Variants in GFRA1 observed in about 807,000 individuals in gnomAD.
GFRA1 encodes GDNF family receptor alpha-1.
GFRA1 carries 16 observed loss-of-function variants against 51.6 expected under a neutral mutation model. The ratio of observed to expected loss-of-function variants is 0.31; its 90% CI spans 0.21 to 0.47. The LOEUF (loss-of-function observed/expected upper bound fraction) is 0.47. GFRA1 is among the 20% of genes least tolerant of loss of function. The pLI, the probability that GFRA1 is intolerant of heterozygous loss-of-function variation, is 1.00. For synonymous variants in GFRA1, 270 were observed against 241.3 expected (o/e 1.12, Z -1.10); for missense variants, 530 against 594.3 (o/e 0.89, Z 1.13).
intron 4 of GFRA1, among the ~76,000 whole-genome samples, chr10:116,256,899 T>G (rs1354681948): frequency 6.6e-6 from 1 of 152,116 alleles, no homozygotes; most frequent in Non-Finnish European, 1.5e-5. Flanking sequence ...GCACCATCCC[T>G]CCCAGGCAGG....
intron 5 of GFRA1, among the ~76,000 whole-genome samples, chr10:116,209,160 G>C (rs543561830): frequency 1.2e-4 from 19 of 152,270 alleles, no homozygotes; most frequent in Admixed American, 3.9e-4. Flanking sequence ...TGAGAGCAGG[G>C]TAGACGCACA....
intron 10 of GFRA1, 57 bp from the exon 11 acceptor site, chr10:116,064,601 A>T: frequency 6.7e-7 from 1 of 1,495,054 alleles, no homozygotes; most frequent in African/African-American, 1.4e-5. Flanking sequence ...CTACCACAGT[A>T]TACTTTACAC....
intron 5 of GFRA1, among the ~76,000 whole-genome samples, chr10:116,196,845 A>ATTT (rs1251734343): frequency 8.5e-4 from 77 of 90,730 alleles, no homozygotes; most frequent in African/African-American, 2.7e-3. Context: ...ATATATATAT[A>ATTT]TATTTTTTTT....
At chr10:116,199,267 A>AT (rs1267632530) in intron 5 of GFRA1, among the ~76,000 whole-genome samples, 2 of 152,182 alleles carry the variant, frequency 1.3e-5, no homozygotes, top group Non-Finnish European at 2.9e-5. Context: ...TCCCTCAGGC[A>AT]TTTTGGCCCT....
intron 9 of GFRA1, among the ~76,000 whole-genome samples, chr10:116,081,756 T>C (rs1440227667): frequency 2.0e-5 from 3 of 152,206 alleles, no homozygotes; most frequent in African/African-American, 7.2e-5. Context: ...TTTATAATGT[T>C]TTCCAAAGTG....
chr10:116,216,575 A>C (rs1392479675), intron 4 of GFRA1, among the ~76,000 whole-genome samples: 1 of 152,182 alleles, frequency 6.6e-6, no homozygotes, highest in Non-Finnish European at 1.5e-5. Context: ...TGGGGGTGGT[A>C]AAGTTATTAG....
At chr10:116,162,698 C>T (rs1246356885) in intron 5 of GFRA1, among the ~76,000 whole-genome samples, 3 of 152,084 alleles carry the variant, frequency 2.0e-5, no homozygotes, top group Non-Finnish European at 4.4e-5. Context: ...ATACATTGTT[C>T]CAAAGAACTT....
chr10:116,208,325 A>G (rs1293448513), intron 5 of GFRA1, among the ~76,000 whole-genome samples: 1 of 152,028 alleles, frequency 6.6e-6, no homozygotes, highest in Non-Finnish European at 1.5e-5. Context: ...TTATTTGTAA[A>G]CTTGACTACA....
chr10:116,118,663 C>T (rs555374795), intron 6 of GFRA1, among the ~76,000 whole-genome samples: 75 of 152,274 alleles, frequency 4.9e-4, no homozygotes, highest in Middle Eastern at 3.4e-3. Flanking sequence ...CTTTTCCATC[C>T]GCATTCACAC....
intron 9 of GFRA1, among the ~76,000 whole-genome samples, chr10:116,081,850 A>T (rs1250813533): frequency 2.0e-5 from 3 of 152,230 alleles, no homozygotes; most frequent in African/African-American, 7.2e-5. Context: ...ATATTTATAT[A>T]TTGATTTTAA....
rs1230888473 is a variant in GFRA1 at position 116,062,166 on chromosome 10, T to C, written c.*2232A>G. 1 of 398,474 alleles carries C rather than the reference T, an allele frequency of 2.5e-6. No homozygotes were observed. Among genetic ancestry groups the C allele is most frequent in the East Asian group, 3.6e-5 (1 of 28,078 alleles). The allele number at this position is 398,474 out of a possible 1,614,324, so 24.7% of individuals were successfully genotyped here. The stretch of plus-strand genomic sequence containing the variant: ...CATCTGATGCTAATTAGAGCTGCTG[T>C]TACTGCAGAAGTAATCAGTAGCTTT... On this transcript the variant is annotated 3_prime_UTR_variant, in exon 11 of 11. Transcript: ENST00000355422.
chr10:116,252,728 A>G (rs1212575710), intron 4 of GFRA1, among the ~76,000 whole-genome samples: 5 of 152,296 alleles, frequency 3.3e-5, no homozygotes, highest in Admixed American at 1.3e-4. Context: ...TCTCGTCTTT[A>G]ACTAAGAACT....
At chr10:116,174,296 A>G (rs1290824990) in intron 5 of GFRA1, among the ~76,000 whole-genome samples, 1 of 152,192 alleles carries the variant, frequency 6.6e-6, no homozygotes, top group East Asian at 1.9e-4. Flanking sequence ...ATATGTCTAT[A>G]TTTCAGAAAA....
At chr10:116,152,838 T>C (rs150570522) in intron 5 of GFRA1, among the ~76,000 whole-genome samples, 27 of 152,376 alleles carry the variant, frequency 1.8e-4, no homozygotes, top group Middle Eastern at 3.4e-3. Flanking sequence ...TGGGTTTCTT[T>C]TAGTATCTGC....
chr10:116,172,045 G>A (rs907287793), intron 5 of GFRA1, among the ~76,000 whole-genome samples: 2 of 152,032 alleles, frequency 1.3e-5, no homozygotes, highest in South Asian at 2.1e-4. Flanking sequence ...TAGAATACAC[G>A]TCAAGTCCTT....
At chr10:116,236,916 C>A (rs1966909797) in intron 4 of GFRA1, among the ~76,000 whole-genome samples, 1 of 152,170 alleles carries the variant, frequency 6.6e-6, no homozygotes, top group African/African-American at 2.4e-5. Context: ...AAAAATGTAA[C>A]CCGCATGCTT....
At chr10:116,262,047 AC>A (rs1188243489) in intron 4 of GFRA1, among the ~76,000 whole-genome samples, 2 of 152,110 alleles carry the variant, frequency 1.3e-5, no homozygotes, top group Admixed American at 6.5e-5. Context: ...AGAACAAAAA[AC>A]AAAAAGGACA....
intron 2 of GFRA1, 72 bp downstream of exon 2, chr10:116,271,918 G>A: frequency 8.3e-7 from 1 of 1,200,524 alleles, no homozygotes; most frequent in African/African-American, 1.5e-5. Flanking sequence ...TGCGGAGGGC[G>A]GGGTGGGCTG....
rs566465889 is a variant in GFRA1, at chr10:116,129,336, A to T, written c.434-3779T>A. Reference sequence around the variant, plus strand: ...CTTAAAAGGCTAATGCATCGTGACCAACTTGGGTTTATCTCAAGAATGCAA... The same window carrying T: ...CTTAAAAGGCTAATGCATCGTGACCTACTTGGGTTTATCTCAAGAATGCAA... On this transcript the variant is annotated intron_variant, in intron 5 of 10. Transcript: ENST00000355422. Among the ~76,000 whole-genome samples, 15 of 152,332 alleles carry T rather than the reference A, an allele frequency of 9.8e-5. No homozygotes were observed. In the South Asian group the frequency reaches 3.1e-3, roughly 32 times the overall value.
Sources: allele counts gnomAD v4.1 joint callset (sites outside exome capture counted in the v4.1 genomes callset), GRCh38; gene constraint gnomAD v4.1.1; transcripts MANE v1.5; gene names NCBI Gene and HGNC (gene_info 2026-07-23, HGNC 2026-07-21).